The following ERICH3 variants were observed in gnomAD, a reference collection of about 807,000 sequenced individuals.
ERICH3 encodes glutamate-rich protein 3.
Under a neutral mutation model 131.1 loss-of-function variants are expected in ERICH3, and 126 were observed. That is an observed-to-expected ratio of 0.96 (90% CI 0.83 to 1.11). The LOEUF (loss-of-function observed/expected upper bound fraction) is 1.11, where lower values mean the gene tolerates loss of function less well. Among genes scored for constraint, ERICH3 ranks in the 50% most tolerant of loss-of-function variants. ERICH3 has a pLI of 0.00. For synonymous variants in ERICH3, 695 were observed against 644.6 expected, an observed-to-expected ratio of 1.08 and a Z score of -1.18; for missense variants, 2,050 against 1,810.7, an observed-to-expected ratio of 1.13 and a Z score of -2.40.
At chr1:74,581,005 T>C (rs1357602799) in intron 12 of ERICH3, among the ~76,000 whole-genome samples, 1 of 152,226 alleles carries the variant, frequency 6.6e-6, no homozygotes, top group Non-Finnish European at 1.5e-5. Context: ...CATATCCATC[T>C]GGCAAATATT....
chr1:74,580,154 G>A (rs1270153192), intron 12 of ERICH3, among the ~76,000 whole-genome samples: 1 of 151,966 alleles, frequency 6.6e-6, no homozygotes, highest in Non-Finnish European at 1.5e-5. Flanking sequence ...AAGACTACTA[G>A]TTAACATCTT....
intron 1 of ERICH3, among the ~76,000 whole-genome samples, chr1:74,661,583 C>T (rs1401433330): frequency 6.6e-6 from 1 of 152,144 alleles, no homozygotes; most frequent in African/African-American, 2.4e-5. Flanking sequence ...TCTATGCTCC[C>T]TTCCAATTAG....
At chr1:74,672,177 A>G (rs899915249) in intron 1 of ERICH3, among the ~76,000 whole-genome samples, 4 of 152,196 alleles carry the variant, frequency 2.6e-5, no homozygotes, top group African/African-American at 9.7e-5. Context: ...TAGGAAGACA[A>G]CCATGACTGA....
rs1646475421 is a variant in ERICH3 at position 74,645,579 on chromosome 1, TTAAGGC to T, written c.243+1082_243+1087del. 3.3e-5 allele frequency among the ~76,000 whole-genome samples: 5 copies of T among 152,122 alleles called. 1 individual carries two copies. The South Asian group carries it at 1.0e-3, about 32-fold the overall frequency. ...ATTTTGGAAAACTAGGCTTCAAGGA[TTAAGGC>T]TAACAGAGAACTCAGTGCCTATTGA... On this transcript the variant is annotated intron_variant, in intron 3 of 14. Coordinates refer to ENST00000326665, the MANE Select transcript of ERICH3 (RefSeq NM_001002912.5).
chr1:74,659,700 C>T (rs978198124), intron 1 of ERICH3, among the ~76,000 whole-genome samples: 1 of 152,198 alleles, frequency 6.6e-6, no homozygotes, highest in African/African-American at 2.4e-5. Flanking sequence ...ATCTGCAAAA[C>T]ATCCTATGTA....
intron 12 of ERICH3, among the ~76,000 whole-genome samples, chr1:74,588,164 T>A (rs1460244903): frequency 1.3e-5 from 2 of 152,218 alleles, no homozygotes; most frequent in Non-Finnish European, 2.9e-5. Flanking sequence ...TAAAACACCT[T>A]TATCCTCCTG....
chr1:74,619,915 T>C (rs1477078396), intron 8 of ERICH3, among the ~76,000 whole-genome samples: 1 of 152,238 alleles, frequency 6.6e-6, no homozygotes, highest in Admixed American at 6.5e-5. Context: ...AATTTTATTT[T>C]AAGTAATAGT....
intron 12 of ERICH3, chr1:74,578,702 TTCCTTCC>T (rs1391206585): frequency 1.7e-5 from 1 of 57,814 alleles, no homozygotes; most frequent in Middle Eastern, 9.6e-3. Context: ...CTTTACTTCC[TTCCTTCC>T]TTCCTTCCTT....
intron 3 of ERICH3, 134 bp downstream of exon 3, chr1:74,646,533 T>A (rs1038398509): frequency 7.4e-6 from 4 of 539,616 alleles, no homozygotes; most frequent in Non-Finnish European, 1.2e-5. Context: ...TTTTTCTAGG[T>A]ACAAAAGCAT....
intron 1 of ERICH3, among the ~76,000 whole-genome samples, chr1:74,665,467 G>A (rs1213797743): frequency 6.6e-6 from 1 of 152,158 alleles, no homozygotes; most frequent in Non-Finnish European, 1.5e-5. Flanking sequence ...CCTTTGCAGA[G>A]CCAAGTAATG....
At position 74,631,764 on chromosome 1, in the gene ERICH3, TCTC is replaced by T; in HGVS notation, c.765_767del (p.Arg257del). On this transcript the variant is annotated inframe_deletion, in exon 7 of 15. Coordinates refer to ENST00000326665, the MANE Select transcript of ERICH3 (RefSeq NM_001002912.5). ...TTGGAGCAGTGGTTGGACGAAATCT[TCTC>T]CTTCTCCATGTTTCAGATCTATTTT... is the stretch of plus-strand genomic sequence containing the variant. 2 of 1,613,584 alleles carry T rather than the reference TCTC, an allele frequency of 1.2e-6. No homozygotes were observed. Among genetic ancestry groups the T allele is most frequent in the South Asian group, 2.2e-5 (2 of 91,064 alleles).
rs2100492854 is a variant in ERICH3, at chr1:74,568,849, G to A, written c.*1609C>T. 6.6e-6 allele frequency: 1 copy of A among 152,254 alleles called. No homozygotes were observed. Among genetic ancestry groups the A allele is most frequent in the Non-Finnish European group, 1.5e-5 (1 of 67,986 alleles). 9.4% of individuals were successfully genotyped at this position (152,254 alleles called of 1,614,324 possible). A position where few individuals can be genotyped will look rare whatever the true frequency, so the allele number is the denominator to read the frequency against. ...CCATGACAGCAGTTTTTGGACATCA[G>A]TGTACATCAGTATTAACTGCAGGGC... is the stretch of plus-strand genomic sequence containing the variant. On this transcript the variant is annotated 3_prime_UTR_variant, in exon 15 of 15. Coordinates refer to ENST00000326665, the MANE Select transcript of ERICH3 (RefSeq NM_001002912.5).
chr1:74,648,448 G>C lies in ERICH3; in HGVS notation c.117+774C>G, dbSNP rs965553196. ...CTATGGCTTATAAATGGCAAGCTCG[G>C]TTTCAGCCAGGTCTGTCTGATAACG... On this transcript the variant is annotated intron_variant, in intron 2 of 14. Coordinates refer to ENST00000326665, the MANE Select transcript of ERICH3 (RefSeq NM_001002912.5). Among the ~76,000 whole-genome samples the C allele has an allele frequency of 3.3e-5, 5 of 152,116 alleles. No individual in the cohort carries two copies. In the South Asian group the frequency reaches 1.0e-3, roughly 32 times the overall value.
intron 13 of ERICH3, among the ~76,000 whole-genome samples, chr1:74,575,400 A>G (rs760943756): frequency 6.6e-6 from 1 of 152,222 alleles, no homozygotes; most frequent in African/African-American, 2.4e-5. Flanking sequence ...TCCTCTGCTT[A>G]TCACAGCAGT....
At position 74,653,647 on chromosome 1, in the gene ERICH3, A is replaced by G. The variant is rs562813946; in HGVS notation, c.24-4332T>C. Among the ~76,000 whole-genome samples, 12 of 152,288 alleles carry G rather than the reference A, an allele frequency of 7.9e-5. No individual in the cohort carries two copies. In the South Asian group the frequency reaches 2.5e-3, roughly 32 times the overall value. On this transcript the variant is annotated intron_variant, in intron 1 of 14. Coordinates refer to ENST00000326665, the MANE Select transcript of ERICH3 (RefSeq NM_001002912.5). ...ACCCATGTAATATGAACAATATCTA[A>G]CTATTACAGCTCTTTTATCTTACTA...
chr1:74,596,198 A>G (rs1294421338), intron 11 of ERICH3, among the ~76,000 whole-genome samples: 2 of 152,082 alleles, frequency 1.3e-5, no homozygotes, highest in African/African-American at 2.4e-5. Context: ...TACTAGAAAA[A>G]AATGACTTCA....
chr1:74,663,406 A>G (rs1429903257), intron 1 of ERICH3, among the ~76,000 whole-genome samples: 2 of 152,146 alleles, frequency 1.3e-5, no homozygotes, highest in African/African-American at 4.8e-5. Flanking sequence ...GCCAGTCACT[A>G]AAGCTCTGTA....
At chr1:74,669,496 C>G (rs967350070) in intron 1 of ERICH3, among the ~76,000 whole-genome samples, 6 of 152,168 alleles carry the variant, frequency 3.9e-5, no homozygotes, top group African/African-American at 1.4e-4. Flanking sequence ...CATTCCACCT[C>G]TAGAACTCAT....
chr1:74,572,238 C>T lies in ERICH3; in HGVS notation c.3472G>A (p.Glu1158Lys), dbSNP rs867623106. Residue 1158 changes from glutamate (E) to lysine (K), a missense_variant, in exon 14 of 15, where the codon GAA becomes AAA. Physicochemically the swap from Glu to Lys is moderately conservative, Grantham distance 56. Transcript: ENST00000326665. ...GACTTTTCAAATCCAGGCGTTGCTT[C>T]AAATATGGGAACCACTGTCTCTTTT... The part of the protein sequence containing the change: ...SLKETVVPIF[E>K]ATPGFEKSLE... 1 of 1,614,132 alleles carries T rather than the reference C, an allele frequency of 6.2e-7. No individual in the cohort carries two copies. The highest frequency in any genetic ancestry group is 8.5e-7 in the Non-Finnish European group (1 of 1,180,030).
Sources: allele counts gnomAD v4.1 joint callset (sites outside exome capture counted in the v4.1 genomes callset), GRCh38; gene constraint gnomAD v4.1.1; transcripts MANE v1.5; gene names NCBI Gene and HGNC (gene_info 2026-07-23, HGNC 2026-07-21).